Variants in KIRREL3 observed in about 807,000 individuals in gnomAD.
The protein encoded by KIRREL3 is kin of IRRE-like protein 3.
KIRREL3 carries 36 observed loss-of-function variants against 89.7 expected under a neutral mutation model. That is an observed-to-expected ratio of 0.40 (90% confidence interval 0.31 to 0.53). KIRREL3 has a LOEUF of 0.53. KIRREL3 is among the 20% of genes least tolerant of loss of function. The probability of loss-of-function intolerance (pLI) is 0.49; values close to 1 mark genes in which losing one functional copy is unlikely to be tolerated. For synonymous variants in KIRREL3, 445 were observed against 441.4 expected (o/e 1.01, Z -0.10); for missense variants, 864 against 1,056.6 (o/e 0.82, Z 2.53).
intron 1 of KIRREL3, among the ~76,000 whole-genome samples, chr11:126,600,596 C>T (rs1325873103): frequency 1.3e-5 from 2 of 152,176 alleles, no homozygotes; most frequent in African/African-American, 4.8e-5. Context: ...CCCACTCCAA[C>T]ACTCAAATCT....
At chr11:126,927,610 G>A (rs1947775104) in intron 1 of KIRREL3, among the ~76,000 whole-genome samples, 1 of 152,162 alleles carries the variant, frequency 6.6e-6, no homozygotes, top group Admixed American at 6.5e-5. Flanking sequence ...ATAGAAATGT[G>A]GCTTTTTACT....
rs568861722 is a variant in KIRREL3, at chr11:126,918,144, C to T, written c.55+82311G>A. Among the ~76,000 whole-genome samples the T allele has an allele frequency of 2.0e-5, 3 of 152,192 alleles. No individual in the cohort carries two copies. Among genetic ancestry groups the T allele is most frequent in the East Asian group, 1.9e-4 (1 of 5,184 alleles). On this transcript the variant is annotated intron_variant, in intron 1 of 16. Transcript: ENST00000525144. This position sits in a 1 kb window ranked among gnomAD's most constrained non-coding sequence, Gnocchi z 6.5. ...CACGGTATGGCAGTTGAAGGACACACGACTTGAGGGAGATGGATGTTACTG... is the reference window on the plus strand; with the variant it reads ...CACGGTATGGCAGTTGAAGGACACATGACTTGAGGGAGATGGATGTTACTG...
At position 126,804,497 on chromosome 11, in the gene KIRREL3, C is replaced by T. The variant is rs547304142; in HGVS notation, c.55+195958G>A. 8.3e-4 allele frequency among the ~76,000 whole-genome samples: 127 copies of T among 152,316 alleles called. 3 individuals are homozygous for T. In the South Asian group the frequency reaches 0.024, roughly 28 times the overall value. ...TGGAAAGTAAAAAGACAGCAACCCACTTAGACTCTTGTGGGAAGATGTCAG... is the reference window on the plus strand; with the variant it reads ...TGGAAAGTAAAAAGACAGCAACCCATTTAGACTCTTGTGGGAAGATGTCAG... On this transcript the variant is annotated intron_variant, in intron 1 of 16. Transcript: ENST00000525144.
intron 1 of KIRREL3, among the ~76,000 whole-genome samples, chr11:126,941,196 TCA>T (rs1403945390): frequency 6.6e-6 from 1 of 152,152 alleles, no homozygotes; most frequent in Non-Finnish European, 1.5e-5. Flanking sequence ...CTCTTGTCTC[TCA>T]GTGTTAGACT....
At chr11:126,693,775 CA>C (rs1946976709) in intron 1 of KIRREL3, among the ~76,000 whole-genome samples, 1 of 152,240 alleles carries the variant, frequency 6.6e-6, no homozygotes, top group African/African-American at 2.4e-5. Context: ...CATCTGGTAG[CA>C]GAGAAAAAGT....
At chr11:126,856,242 A>G (rs926984093) in intron 1 of KIRREL3, among the ~76,000 whole-genome samples, 1 of 152,154 alleles carries the variant, frequency 6.6e-6, no homozygotes, top group Non-Finnish European at 1.5e-5. Flanking sequence ...ATACAAACAC[A>G]TAACCAGGAT....
rs1169616443 is a variant in KIRREL3 at position 126,611,363 on chromosome 11, C to G, written c.56-48451G>C. Among the ~76,000 whole-genome samples the G allele has an allele frequency of 6.6e-6, 1 of 152,098 alleles. No individual in the cohort carries two copies. The highest frequency in any genetic ancestry group is 1.5e-5 in the Non-Finnish European group (1 of 68,024). On this transcript the variant is annotated intron_variant, in intron 1 of 16. Coordinates refer to ENST00000525144, the MANE Select transcript of KIRREL3 (RefSeq NM_032531.4). The surrounding 1 kb of genome is among the most constrained non-coding windows in gnomAD (Gnocchi z 4.7). ...TTGAGAGATCATGACTTTTGTAGAA[C>G]TAGGCTGCTTTCACTCTTTGAGGGT...
intron 1 of KIRREL3, among the ~76,000 whole-genome samples, chr11:126,854,195 C>CT (rs34744675): frequency 1 from 151,665 of 151,666 alleles, 75,832 homozygotes; most frequent in Middle Eastern, 1. Context: ...CTATTTTTCT[C>CT]TTAATAGTTG....
intron 1 of KIRREL3, among the ~76,000 whole-genome samples, chr11:126,691,207 T>C (rs1471645987): frequency 6.6e-6 from 1 of 152,030 alleles, no homozygotes; most frequent in African/African-American, 2.4e-5. Context: ...GAAGGAGAAA[T>C]TGTACAGCCA....
In KIRREL3 at chr11:126,601,650, TCA is replaced by T. The variant is rs1942659672; in HGVS notation, c.56-38740_56-38739del. On this transcript the variant is annotated intron_variant, in intron 1 of 16. Transcript: ENST00000525144. The surrounding 1 kb of genome is among the most constrained non-coding windows in gnomAD (Gnocchi z 5.8). The stretch of plus-strand genomic sequence containing the variant: ...CTGAGAGAACCAGAGAAAGGAGGCC[TCA>T]CAGTGTCCTGGCCCCCTCTGCCCAC... Among the ~76,000 whole-genome samples, 2 of 152,206 alleles carry T rather than the reference TCA, an allele frequency of 1.3e-5. No homozygotes were observed. The highest frequency in any genetic ancestry group is 1.3e-4 in the Admixed American group (2 of 15,284).
intron 1 of KIRREL3, among the ~76,000 whole-genome samples, chr11:126,828,678 C>T (rs536480355): frequency 6.6e-6 from 1 of 152,150 alleles, no homozygotes; most frequent in Non-Finnish European, 1.5e-5. Context: ...GTAGGCTCTG[C>T]AGTCACGCTT....
Position 126,760,210 on chromosome 11 carries a change from G to A in KIRREL3, c.56-197298C>T, listed in dbSNP as rs181693546. ...CTGGGGGTCACCCATAGGTCTCCAC[G>A]CAGGAATTTCGAGAGGCTGCAAACT... On this transcript the variant is annotated intron_variant, in intron 1 of 16. Transcript: ENST00000525144. Among the ~76,000 whole-genome samples the A allele has an allele frequency of 1.2e-3, 176 of 152,234 alleles. No homozygotes were observed. In the Middle Eastern group the frequency reaches 0.014, roughly 12 times the overall value.
At position 126,890,692 on chromosome 11, in the gene KIRREL3, A is replaced by G. The variant is rs540735874; in HGVS notation, c.55+109763T>C. Among the ~76,000 whole-genome samples the G allele has an allele frequency of 1.3e-5, 2 of 152,072 alleles. No individual in the cohort carries two copies. The highest frequency in any genetic ancestry group is 4.8e-5 in the African/African-American group (2 of 41,478). On this transcript the variant is annotated intron_variant, in intron 1 of 16. Transcript: ENST00000525144. This position sits in a 1 kb window ranked among gnomAD's most constrained non-coding sequence, Gnocchi z 5.1. Reference sequence around the variant, plus strand: ...CTTTCTTTACAGGCCCTGCCCAAATACTCTGCCTTCTGTAGACTCTACTGA... The same window carrying G: ...CTTTCTTTACAGGCCCTGCCCAAATGCTCTGCCTTCTGTAGACTCTACTGA...
chr11:126,502,072 T>G (rs576261018), intron 4 of KIRREL3, among the ~76,000 whole-genome samples: 1 of 152,158 alleles, frequency 6.6e-6, no homozygotes, highest in East Asian at 1.9e-4. Flanking sequence ...ATCTTAAACA[T>G]GGATAATGAA....
At position 126,970,893 on chromosome 11, in the gene KIRREL3, G is replaced by A. The variant is rs1307037026; in HGVS notation, c.55+29562C>T. ...CTGCTGCCAGGTATCTACGCAGCAG[G>A]AGAACCACAAACAGAAGCACATGGC... On this transcript the variant is annotated intron_variant, in intron 1 of 16. Coordinates refer to ENST00000525144, the MANE Select transcript of KIRREL3 (RefSeq NM_032531.4). The surrounding 1 kb of genome is among the most constrained non-coding windows in gnomAD (Gnocchi z 4.4). Among the ~76,000 whole-genome samples, 1 of 152,194 alleles carries A rather than the reference G, an allele frequency of 6.6e-6. No individual in the cohort carries two copies. Among genetic ancestry groups the A allele is most frequent in the Non-Finnish European group, 1.5e-5 (1 of 68,038 alleles).
At chr11:126,786,540 T>G (rs941190119) in intron 1 of KIRREL3, among the ~76,000 whole-genome samples, 44 of 152,312 alleles carry the variant, frequency 2.9e-4, no homozygotes, top group African/African-American at 9.1e-4. Context: ...TTAATAGCAT[T>G]AAAATAAACA....
In KIRREL3 at chr11:126,917,852, C is replaced by A. The variant is rs1434358021; in HGVS notation, c.55+82603G>T. 6.6e-6 allele frequency among the ~76,000 whole-genome samples: 1 copy of A among 152,182 alleles called. No homozygotes were observed. The highest frequency in any genetic ancestry group is 2.4e-5 in the African/African-American group (1 of 41,436). ...TTTCTGAAGAACGAGATGGTAAAAACAGTGGCATTTCTGTTCCCTCCTCCA... is the reference window on the plus strand; with the variant it reads ...TTTCTGAAGAACGAGATGGTAAAAAAAGTGGCATTTCTGTTCCCTCCTCCA... On this transcript the variant is annotated intron_variant, in intron 1 of 16. Transcript: ENST00000525144. This position sits in a 1 kb window ranked among gnomAD's most constrained non-coding sequence, Gnocchi z 5.0.
rs747348150 is a variant in KIRREL3 at position 126,924,140 on chromosome 11, G to A, written c.55+76315C>T. Among the ~76,000 whole-genome samples the A allele has an allele frequency of 3.3e-5, 5 of 152,164 alleles. No homozygotes were observed. Among genetic ancestry groups the A allele is most frequent in the Non-Finnish European group, 7.3e-5 (5 of 68,028 alleles). The stretch of plus-strand genomic sequence containing the variant: ...ACACTTGATAAGCAGTGGTCTTATG[G>A]CTGGTAGCCCAGGCAGCTCTTGATC... On this transcript the variant is annotated intron_variant, in intron 1 of 16. Coordinates refer to ENST00000525144, the MANE Select transcript of KIRREL3 (RefSeq NM_032531.4). The surrounding 1 kb of genome is among the most constrained non-coding windows in gnomAD (Gnocchi z 4.7).
At chr11:126,871,887 G>A (rs1945121396) in intron 1 of KIRREL3, among the ~76,000 whole-genome samples, 1 of 152,168 alleles carries the variant, frequency 6.6e-6, no homozygotes, top group African/African-American at 2.4e-5. Flanking sequence ...TGTCTTCATG[G>A]GGCTTACATC....
Sources: gnomAD v4.1 joint callset for allele counts (sites outside exome capture counted in the v4.1 genomes callset) on GRCh38, gnomAD v4.1.1 for gene constraint, Gnocchi (gnomAD v3.1) non-coding constraint, MANE v1.5 for transcripts, NCBI Gene and HGNC (gene_info 2026-07-23, HGNC 2026-07-21) for gene names.